Variants in NCAM2 observed in about 807,000 individuals in gnomAD.
The protein encoded by NCAM2 is N-CAM-2.
Under a neutral mutation model 98.1 loss-of-function variants are expected in NCAM2, and 30 were observed. The observed-to-expected ratio is 0.31, with a 90% confidence interval of 0.23 to 0.41. The LOEUF (loss-of-function observed/expected upper bound fraction) is 0.41. NCAM2 is among the 10% of genes least tolerant of loss of function. The pLI is 1.00. For missense variants in NCAM2, 867 were observed against 1,005.8 expected (o/e 0.86, Z 1.87); for synonymous variants, 368 against 342.4 (o/e 1.07, Z -0.83).
intron 8 of NCAM2, 146 bp from the exon 9 acceptor site, chr21:21,373,717 A>C: frequency 1.5e-6 from 1 of 658,556 alleles, no homozygotes; most frequent in Non-Finnish European, 2.3e-6. Context: ...ATTCTTAGCT[A>C]TACAAGAAAT....
chr21:21,486,270 C>T (rs970645660), intron 15 of NCAM2, among the ~76,000 whole-genome samples: 13 of 142,304 alleles, frequency 9.1e-5, no homozygotes, highest in Non-Finnish European at 1.5e-4. Context: ...CGCCACTGCA[C>T]TCCAGCCTGG....
At chr21:21,533,752 T>C (rs1423357251) in intron 16 of NCAM2, among the ~76,000 whole-genome samples, 1 of 151,796 alleles carries the variant, frequency 6.6e-6, no homozygotes, top group African/African-American at 2.4e-5. Context: ...AATAACTTCC[T>C]TGTTACTCTT....
intron 1 of NCAM2, among the ~76,000 whole-genome samples, chr21:21,234,215 C>T (rs2070734093): frequency 6.6e-6 from 1 of 151,698 alleles, no homozygotes; most frequent in South Asian, 2.1e-4. Context: ...ACTAGAGCAG[C>T]ACCTTGCCCT....
At chr21:21,407,257 G>T (rs903299398) in intron 9 of NCAM2, among the ~76,000 whole-genome samples, 1 of 152,186 alleles carries the variant, frequency 6.6e-6, no homozygotes, top group South Asian at 2.1e-4. Context: ...TATTTACAAA[G>T]CATATCCTGT....
intron 5 of NCAM2, among the ~76,000 whole-genome samples, chr21:21,304,784 G>C (rs140214875): frequency 6.6e-6 from 1 of 152,050 alleles, no homozygotes; most frequent in East Asian, 1.9e-4. Context: ...TGTATATTCA[G>C]GTCTCTTTAA....
At chr21:21,321,363 G>A (rs540404373) in intron 5 of NCAM2, among the ~76,000 whole-genome samples, 2 of 151,876 alleles carry the variant, frequency 1.3e-5, no homozygotes, top group African/African-American at 2.4e-5. Context: ...TCTGTAGGCT[G>A]TCTGTTCATT....
chr21:21,456,913 A>T (rs1388013026), intron 12 of NCAM2, among the ~76,000 whole-genome samples: 6 of 152,074 alleles, frequency 3.9e-5, no homozygotes, highest in Admixed American at 3.9e-4. Context: ...TTTCACCTAA[A>T]CTTGGACTTC....
rs1477420642 is a variant in NCAM2 at position 21,049,042 on chromosome 21, C to T, written c.55+50424C>T. Among the ~76,000 whole-genome samples the T allele has an allele frequency of 1.1e-4, 15 of 135,564 alleles. 1 individual carries two copies. The highest frequency in any genetic ancestry group is 6.9e-4 in the South Asian group (3 of 4,370). 88.9% of individuals were successfully genotyped at this position (135,564 alleles called of 152,430 possible). A position where few individuals can be genotyped will look rare whatever the true frequency, so the allele number is the denominator to read the frequency against. Reference sequence around the variant, plus strand: ...TTTTTTTTTTTTTGAGACGGAGTCTCGCTCTGTCGCCCAGGCTGGACTGCG... The same window carrying T: ...TTTTTTTTTTTTTGAGACGGAGTCTTGCTCTGTCGCCCAGGCTGGACTGCG... On this transcript the variant is annotated intron_variant, in intron 1 of 17. Transcript: ENST00000400546.
At chr21:21,121,833 T>C (rs2066681877) in intron 1 of NCAM2, among the ~76,000 whole-genome samples, 1 of 152,190 alleles carries the variant, frequency 6.6e-6, no homozygotes, top group South Asian at 2.1e-4. Flanking sequence ...TACGATTGGG[T>C]ATATGATAAA....
At chr21:21,358,235 T>C (rs766259490) in intron 8 of NCAM2, among the ~76,000 whole-genome samples, 1 of 152,124 alleles carries the variant, frequency 6.6e-6, no homozygotes, top group Non-Finnish European at 1.5e-5. Context: ...GTATTCAGCG[T>C]AGTGGGACTA....
intron 1 of NCAM2, among the ~76,000 whole-genome samples, chr21:21,002,962 G>A (rs1188286221): frequency 1.2e-4 from 18 of 152,018 alleles, no homozygotes; most frequent in Admixed American, 5.2e-4. Flanking sequence ...TGCAACCAGT[G>A]CTTTTATGCT....
intron 1 of NCAM2, among the ~76,000 whole-genome samples, chr21:21,166,865 A>C (rs1045743729): frequency 6.6e-6 from 1 of 152,188 alleles, no homozygotes; most frequent in Non-Finnish European, 1.5e-5. Context: ...AACATATTGC[A>C]TCTCTCTCAA....
intron 1 of NCAM2, among the ~76,000 whole-genome samples, chr21:21,279,657 T>C (rs943365207): frequency 7.2e-5 from 11 of 152,262 alleles, no homozygotes; most frequent in African/African-American, 2.6e-4. Flanking sequence ...TCTGGTGTTC[T>C]ATCACAGCCT....
intron 1 of NCAM2, among the ~76,000 whole-genome samples, chr21:21,138,298 A>G (rs2067101105): frequency 6.6e-6 from 1 of 152,180 alleles, no homozygotes; most frequent in Non-Finnish European, 1.5e-5. Flanking sequence ...TCTGCAAACC[A>G]GCATTGCAGT....
At chr21:21,118,425 G>T (rs2066607780) in intron 1 of NCAM2, among the ~76,000 whole-genome samples, 1 of 152,060 alleles carries the variant, frequency 6.6e-6, no homozygotes, top group African/African-American at 2.4e-5. Context: ...CTGTCTTTCT[G>T]CAAGATGATC....
chr21:21,079,450 G>A (rs1387564743), intron 1 of NCAM2, among the ~76,000 whole-genome samples: 1 of 152,110 alleles, frequency 6.6e-6, no homozygotes, highest in African/African-American at 2.4e-5. Flanking sequence ...AAGACTTCAT[G>A]AAAATTGTGC....
rs1990086519 is a variant in NCAM2 at position 21,538,149 on chromosome 21, TTG to T, written c.*194_*195del. On this transcript the variant is annotated 3_prime_UTR_variant, in exon 18 of 18. Coordinates refer to ENST00000400546, the MANE Select transcript of NCAM2 (RefSeq NM_004540.5). ...TTTGTTATTGTTGTTGTTGTTGCTG[TTG>T]TTGTTAATTTTGTTAAGAATTTCAA... 5.6e-6 allele frequency: 2 copies of T among 359,910 alleles called. No homozygotes were observed. The highest frequency in any genetic ancestry group is 1.0e-5 in the Non-Finnish European group (2 of 195,472). 22.3% of individuals were successfully genotyped at this position (359,910 alleles called of 1,614,324 possible).
chr21:21,399,766 C>T (rs76708814), intron 9 of NCAM2, among the ~76,000 whole-genome samples: 2,682 of 152,212 alleles, frequency 0.018, 86 homozygotes, highest in African/African-American at 0.061. Flanking sequence ...TCACCCTGCT[C>T]AGACACAGGC....
intron 1 of NCAM2, among the ~76,000 whole-genome samples, chr21:21,279,573 G>T (rs1284350265): frequency 6.6e-6 from 1 of 152,072 alleles, no homozygotes; most frequent in Non-Finnish European, 1.5e-5. Context: ...TTGCCAGGCT[G>T]GTCTCAAACT....
Sources: allele counts gnomAD v4.1 joint callset (sites outside exome capture counted in the v4.1 genomes callset), GRCh38; gene constraint gnomAD v4.1.1; transcripts MANE v1.5; gene names NCBI Gene and HGNC (gene_info 2026-07-23, HGNC 2026-07-21).